Variants in CSMD1 observed in about 807,000 individuals in gnomAD.
The protein encoded by CSMD1 is CUB and sushi domain-containing protein 1.
CSMD1 carries 213 observed loss-of-function variants against 417.5 expected under a neutral mutation model. The ratio of observed to expected loss-of-function variants is 0.51; its 90% CI spans 0.46 to 0.57. The LOEUF (loss-of-function observed/expected upper bound fraction) is 0.57. CSMD1 is among the 20% of genes least tolerant of loss of function. CSMD1 has a pLI of 0.00. For missense variants in CSMD1, 6,923 were observed against 4,529.7 expected (o/e 1.53, Z -15.17); for synonymous variants, 2,862 against 1,736.8 (o/e 1.65, Z -16.11).
At chr8:3,978,114 C>G (rs1162404829) in intron 5 of CSMD1, among the ~76,000 whole-genome samples, 1 of 152,154 alleles carries the variant, frequency 6.6e-6, no homozygotes, top group Non-Finnish European at 1.5e-5. Context: ...ATGGGGATAA[C>G]AAAACGAAAA....
chr8:3,599,294 T>C (rs150722332), intron 8 of CSMD1, among the ~76,000 whole-genome samples: 9 of 151,626 alleles, frequency 5.9e-5, no homozygotes, highest in Non-Finnish European at 1.3e-4. Context: ...CGTGTGTATG[T>C]GTGGGTGCTG....
At chr8:4,125,150 T>G (rs1443855067) in intron 3 of CSMD1, among the ~76,000 whole-genome samples, 3 of 152,042 alleles carry the variant, frequency 2.0e-5, no homozygotes, top group Non-Finnish European at 4.4e-5. Context: ...AGGAGAAGAC[T>G]TCTTGTCTCA....
intron 13 of CSMD1, among the ~76,000 whole-genome samples, chr8:3,408,686 G>A (rs1812499973): frequency 6.6e-6 from 1 of 151,840 alleles, no homozygotes; most frequent in African/African-American, 2.4e-5. Context: ...ATTAGTTACA[G>A]GGTAAACATG....
chr8:3,431,420 G>A (rs1400748161), intron 12 of CSMD1, among the ~76,000 whole-genome samples: 3 of 152,108 alleles, frequency 2.0e-5, no homozygotes, highest in Admixed American at 2.0e-4. Flanking sequence ...TTCCCAGTTT[G>A]TCTTTTCCCG....
intron 5 of CSMD1, among the ~76,000 whole-genome samples, chr8:3,812,890 G>C (rs1217482000): frequency 6.6e-6 from 1 of 152,190 alleles, no homozygotes; most frequent in South Asian, 2.1e-4. Context: ...TGACATGCCA[G>C]CTCTTTCGTG....
intron 3 of CSMD1, among the ~76,000 whole-genome samples, chr8:4,212,748 ATTCTTT>A (rs1383482566): frequency 4.9e-5 from 5 of 101,906 alleles, no homozygotes; most frequent in African/African-American, 2.6e-4. Flanking sequence ...CAGCGGCCTT[ATTCTTT>A]TTTTTTTTTT....
At chr8:4,739,158 T>C (rs1301061445) in intron 1 of CSMD1, among the ~76,000 whole-genome samples, 3 of 152,220 alleles carry the variant, frequency 2.0e-5, no homozygotes, top group African/African-American at 7.2e-5. Context: ...ACACTTTACT[T>C]CCTAATAGCT....
chr8:4,713,027 G>A (rs1808409704), intron 1 of CSMD1, among the ~76,000 whole-genome samples: 1 of 152,198 alleles, frequency 6.6e-6, no homozygotes, highest in Non-Finnish European at 1.5e-5. Flanking sequence ...ACTACAAGGT[G>A]TGATCTTAGG....
chr8:3,701,386 C>CAG (rs1035417301), intron 7 of CSMD1, among the ~76,000 whole-genome samples: 1 of 152,084 alleles, frequency 6.6e-6, no homozygotes, highest in Non-Finnish European at 1.5e-5. Flanking sequence ...CTACAGATCC[C>CAG]AGAGAGAGAA....
At chr8:3,643,700 CAA>C (rs66500235) in intron 7 of CSMD1, among the ~76,000 whole-genome samples, 1,941 of 85,116 alleles carry the variant, frequency 0.023, 27 homozygotes, top group African/African-American at 0.061. Flanking sequence ...GACTCCGTCT[CAA>C]AAAAAAAAAA....
chr8:4,973,677 T>C (rs1052444257), intron 1 of CSMD1, among the ~76,000 whole-genome samples: 7 of 152,192 alleles, frequency 4.6e-5, no homozygotes, highest in African/African-American at 1.4e-4. Context: ...ACCCATTCAT[T>C]ATCCTGACCA....
At chr8:4,298,564 T>C (rs906320056) in intron 3 of CSMD1, among the ~76,000 whole-genome samples, 2 of 152,188 alleles carry the variant, frequency 1.3e-5, no homozygotes, top group African/African-American at 2.4e-5. Flanking sequence ...TTGTACCCAA[T>C]GAATTTATGT....
chr8:4,552,655 C>A (rs11998096), intron 2 of CSMD1, among the ~76,000 whole-genome samples: 85 of 152,200 alleles, frequency 5.6e-4, no homozygotes, highest in African/African-American at 1.9e-3. Context: ...TTCTGAGGTA[C>A]CAAGCCTAGC....
At chr8:3,061,016 G>A (rs757984152) in intron 49 of CSMD1, among the ~76,000 whole-genome samples, 1 of 152,112 alleles carries the variant, frequency 6.6e-6, no homozygotes, top group Non-Finnish European at 1.5e-5. Flanking sequence ...TATATGTGTA[G>A]GAACTAAAGA....
intron 3 of CSMD1, among the ~76,000 whole-genome samples, chr8:4,130,016 T>G (rs950992558): frequency 6.6e-6 from 1 of 152,154 alleles, no homozygotes; most frequent in African/African-American, 2.4e-5. Context: ...GCCTTTCTTG[T>G]CAGAAGATTT....
chr8:4,874,410 G>C (rs564130413), intron 1 of CSMD1, among the ~76,000 whole-genome samples: 6 of 130,712 alleles, frequency 4.6e-5, no homozygotes, highest in Admixed American at 1.6e-4. Context: ...TTTTTTCTGA[G>C]ACGGAGTCTT....
At chr8:3,013,010 T>C (rs148644101) in intron 52 of CSMD1, among the ~76,000 whole-genome samples, 3,611 of 152,280 alleles carry the variant, frequency 0.024, 140 homozygotes, top group African/African-American at 0.08. Context: ...ATGTAAGATG[T>C]GCCTTTGCTT....
intron 3 of CSMD1, among the ~76,000 whole-genome samples, chr8:4,203,340 T>A (rs1799778268): frequency 6.6e-6 from 1 of 152,120 alleles, no homozygotes; most frequent in South Asian, 2.1e-4. Context: ...ATCTGCAGGT[T>A]AGAAGCCAAC....
rs1563208007 is a variant in CSMD1, at chr8:4,717,328, C to CACACACACATATATATATAT, written c.86-79771_86-79770insATATATATATATGTGTGTGT. On this transcript the variant is annotated intron_variant, in intron 1 of 69. Transcript: ENST00000635120. ...CTCTCTCCATATATATATATATATACACACACACACGTATATATACACACA... is the reference window on the plus strand; with the variant it reads ...CTCTCTCCATATATATATATATATACACACACACATATATATATATACACACACACGTATATATACACACA... Among the ~76,000 whole-genome samples the CACACACACATATATATATAT allele has an allele frequency of 1.5e-3, 96 of 65,782 alleles. 3 individuals carry two copies. Among genetic ancestry groups the CACACACACATATATATATAT allele is most frequent in the African/African-American group, 0.013 (91 of 6,920 alleles). The allele number at this position is 65,782 out of a possible 152,430, so 43.2% of individuals were successfully genotyped here.
Sources: gnomAD v4.1 joint callset for allele counts (sites outside exome capture counted in the v4.1 genomes callset) on GRCh38, gnomAD v4.1.1 for gene constraint, MANE v1.5 for transcripts, NCBI Gene and HGNC (gene_info 2026-07-23, HGNC 2026-07-21) for gene names.